The following ENTHD1 variants were observed in gnomAD, a reference collection of about 807,000 sequenced individuals.
ENTHD1 encodes the protein ENTH domain-containing protein 1.
ENTHD1 carries 23 observed loss-of-function variants against 39.1 expected under a neutral mutation model. The observed-to-expected ratio is 0.59, with a 90% CI of 0.42 to 0.83. The LOEUF is 0.83. Ranked by LOEUF, ENTHD1 falls within the 40% of genes least tolerant of loss-of-function variation. The probability of loss-of-function intolerance (pLI) is 0.00; values close to 1 mark genes in which losing one functional copy is unlikely to be tolerated. For missense variants in ENTHD1, 624 were observed against 705.4 expected (o/e 0.88, Z 1.31); for synonymous variants, 230 against 258.2 (o/e 0.89, Z 1.05).
intron 5 of ENTHD1, among the ~76,000 whole-genome samples, chr22:39,814,300 A>AAAAAAAAAAAAAT (rs1262572395): frequency 2.0e-5 from 3 of 151,580 alleles, no homozygotes; most frequent in African/African-American, 7.3e-5. Context: ...CTCTACAAAA[A>AAAAAAAAAAAAAT]AAAAAAAAAA....
At chr22:39,840,671 TG>T (rs1468796888) in intron 3 of ENTHD1, among the ~76,000 whole-genome samples, 4 of 152,200 alleles carry the variant, frequency 2.6e-5, no homozygotes, top group Non-Finnish European at 4.4e-5. Flanking sequence ...TCAAGTCTCA[TG>T]GTGCTTAAAT....
chr22:39,797,899 T>A (rs887294903), intron 5 of ENTHD1, among the ~76,000 whole-genome samples: 1 of 152,144 alleles, frequency 6.6e-6, no homozygotes, highest in African/African-American at 2.4e-5. Context: ...TTGGTTATAG[T>A]GTGTCATGAA....
intron 6 of ENTHD1, among the ~76,000 whole-genome samples, chr22:39,748,210 G>T (rs2065121447): frequency 6.6e-6 from 1 of 150,782 alleles, no homozygotes; most frequent in Non-Finnish European, 1.5e-5. Flanking sequence ...GGTCATGCCA[G>T]GGCGCTCCAA....
intron 5 of ENTHD1, among the ~76,000 whole-genome samples, chr22:39,801,954 A>G (rs2146617561): frequency 6.6e-6 from 1 of 152,300 alleles, no homozygotes; most frequent in Admixed American, 6.5e-5. Flanking sequence ...GAAAACAATC[A>G]TCTAAGTTCT....
In ENTHD1 at chr22:39,771,125, TG is replaced by T. The variant is rs1348492481; in HGVS notation, c.833-5517del. Among the ~76,000 whole-genome samples, 10 of 152,328 alleles carry T rather than the reference TG, an allele frequency of 6.6e-5. No homozygotes were observed. The East Asian group carries it at 1.5e-3, about 23-fold the overall frequency. On this transcript the variant is annotated intron_variant, in intron 5 of 6. Coordinates refer to ENST00000325157, the MANE Select transcript of ENTHD1 (RefSeq NM_152512.4). The stretch of plus-strand genomic sequence containing the variant: ...TTCAGTTTTTAATACTTAATGTTTT[TG>T]TATTAAATTCTGTGTATTGTATCAT...
chr22:39,770,683 C>T (rs1399437123), intron 5 of ENTHD1, among the ~76,000 whole-genome samples: 1 of 152,154 alleles, frequency 6.6e-6, no homozygotes, highest in African/African-American at 2.4e-5. Context: ...ATTGTAGCTT[C>T]CCAATAAGTG....
chr22:39,757,013 C>T (rs1194519734), intron 6 of ENTHD1, among the ~76,000 whole-genome samples: 1 of 141,864 alleles, frequency 7.0e-6, no homozygotes, highest in Non-Finnish European at 1.5e-5. Context: ...TCAATTTCTA[C>T]CAAAAAAAAA....
At chr22:39,744,902 T>C (rs914729115) in intron 6 of ENTHD1, among the ~76,000 whole-genome samples, 1 of 152,064 alleles carries the variant, frequency 6.6e-6, no homozygotes, top group Non-Finnish European at 1.5e-5. Context: ...ATTCTAAGCC[T>C]TTTTTTCCAT....
At chr22:39,776,753 A>G (rs933589531) in intron 5 of ENTHD1, among the ~76,000 whole-genome samples, 1 of 152,260 alleles carries the variant, frequency 6.6e-6, no homozygotes, top group Admixed American at 6.5e-5. Flanking sequence ...GTAACTAAGA[A>G]TACTTTTGCC....
At chr22:39,781,057 A>G (rs1013772114) in intron 5 of ENTHD1, among the ~76,000 whole-genome samples, 4 of 152,112 alleles carry the variant, frequency 2.6e-5, no homozygotes, top group African/African-American at 7.2e-5. Context: ...CACAAATAAT[A>G]TTAGAGGACT....
intron 2 of ENTHD1, among the ~76,000 whole-genome samples, chr22:39,877,905 A>T (rs1003805125): frequency 6.6e-6 from 1 of 152,216 alleles, no homozygotes; most frequent in Admixed American, 6.5e-5. Context: ...GCTATCAAGA[A>T]AAAATCATAA....
rs1000482186 is a variant in ENTHD1, at chr22:39,752,785, G to A, written c.1220-8502C>T. 2.6e-5 allele frequency among the ~76,000 whole-genome samples: 4 copies of A among 152,198 alleles called. No homozygotes were observed. In the South Asian group the frequency reaches 8.3e-4, roughly 31 times the overall value. Reference sequence around the variant, plus strand: ...AGCAGGCAGGAGATGTATACTACAAGAGTTGCTGGGGCTTCCTCCCTGGAG... The same window carrying A: ...AGCAGGCAGGAGATGTATACTACAAAAGTTGCTGGGGCTTCCTCCCTGGAG... On this transcript the variant is annotated intron_variant, in intron 6 of 6. Transcript: ENST00000325157.
At chr22:39,833,858 GA>G (rs966190024) in intron 4 of ENTHD1, among the ~76,000 whole-genome samples, 1 of 129,008 alleles carries the variant, frequency 7.8e-6, no homozygotes, top group African/African-American at 3.1e-5. Flanking sequence ...AAAGAGGAAA[GA>G]AAAGAAAACC....
chr22:39,876,618 T>G (rs765986520), intron 2 of ENTHD1, among the ~76,000 whole-genome samples: 1 of 152,086 alleles, frequency 6.6e-6, no homozygotes, highest in Non-Finnish European at 1.5e-5. Context: ...AAATGTTCTT[T>G]ATTGTGCTAT....
At chr22:39,760,051 G>A (rs1569128432) in intron 6 of ENTHD1, among the ~76,000 whole-genome samples, 1 of 151,628 alleles carries the variant, frequency 6.6e-6, no homozygotes, top group Non-Finnish European at 1.5e-5. Flanking sequence ...CTTTCTTGGT[G>A]AATGTTCATT....
intron 2 of ENTHD1, among the ~76,000 whole-genome samples, chr22:39,869,883 G>T (rs886978322): frequency 7.9e-5 from 12 of 151,794 alleles, no homozygotes; most frequent in South Asian, 6.2e-4. Context: ...TCCTAGAAAT[G>T]AAAACTACAG....
chr22:39,811,235 T>C (rs1162989817), intron 5 of ENTHD1, among the ~76,000 whole-genome samples: 2 of 152,218 alleles, frequency 1.3e-5, no homozygotes, highest in African/African-American at 4.8e-5. Context: ...TGGGCCTCTC[T>C]AAACTTTGGA....
rs962221598 is a variant in ENTHD1 at position 39,771,877 on chromosome 22, T to C, written c.833-6268A>G. Among the ~76,000 whole-genome samples, 4 of 152,158 alleles carry C rather than the reference T, an allele frequency of 2.6e-5. 1 individual carries two copies. The highest frequency in any genetic ancestry group is 5.9e-5 in the Non-Finnish European group (4 of 68,024). On this transcript the variant is annotated intron_variant, in intron 5 of 6. Coordinates refer to ENST00000325157, the MANE Select transcript of ENTHD1 (RefSeq NM_152512.4). ...CGGGTTGAAGACAAAGTACACCAGA[T>C]GGAAAGTTGGATCTTTGGGAAGAAA...
rs137946 is a variant in ENTHD1 at position 39,876,514 on chromosome 22, T to TAAAA, written c.349+10882_349+10885dup. ...GATGAAGTAAAATTAACGGGTCATC[T>TAAAA]AAAAAAAAAAAAAAAAAAAAGAAAT... On this transcript the variant is annotated intron_variant, in intron 2 of 6. Transcript: ENST00000325157. Among the ~76,000 whole-genome samples, 3 of 105,790 alleles carry TAAAA rather than the reference T, an allele frequency of 2.8e-5. No individual in the cohort carries two copies. The Admixed American group carries it at 3.0e-4, about 10-fold the overall frequency. 69.4% of individuals were successfully genotyped at this position (105,790 alleles called of 152,430 possible). A position where few individuals can be genotyped will look rare whatever the true frequency, so the allele number is the denominator to read the frequency against.
Sources: allele counts gnomAD v4.1 joint callset (sites outside exome capture counted in the v4.1 genomes callset), GRCh38; gene constraint gnomAD v4.1.1; transcripts MANE v1.5; gene names NCBI Gene and HGNC (gene_info 2026-07-23, HGNC 2026-07-21).